SLC24A2: variants seen among roughly 807,000 people sequenced by gnomAD.
SLC24A2 encodes sodium/potassium/calcium exchanger 2.
A neutral mutation model predicts 62.0 loss-of-function variants in SLC24A2; 36 were observed. That is an observed-to-expected ratio of 0.58 (90% CI 0.44 to 0.77). The LOEUF (loss-of-function observed/expected upper bound fraction) is 0.77, where lower values mean the gene tolerates loss of function less well. SLC24A2 is among the 30% of genes least tolerant of loss of function. The pLI is 0.00. For missense variants in SLC24A2, 846 were observed against 817.9 expected, an observed-to-expected ratio of 1.03 and a Z score of -0.42; for synonymous variants, 358 against 294.0, an observed-to-expected ratio of 1.22 and a Z score of -2.23.
the SLC24A2 span, among the ~76,000 whole-genome samples, chr9:19,937,584 G>A: frequency 2.0e-5 from 3 of 152,192 alleles, no homozygotes; most frequent in African/African-American, 4.8e-5. Context: ...ATTATCAGCT[G>A]AAAATGAGTT....
the SLC24A2 span, among the ~76,000 whole-genome samples, chr9:19,908,725 GA>G: frequency 1.3e-5 from 2 of 152,156 alleles, no homozygotes; most frequent in African/African-American, 4.8e-5. Context: ...AAAAACACAT[GA>G]AAAAATGCTT....
chr9:20,146,050 C>T, the SLC24A2 span, among the ~76,000 whole-genome samples: 28 of 152,192 alleles, frequency 1.8e-4, no homozygotes, highest in African/African-American at 6.7e-4. Context: ...CTGATGAACA[C>T]ATAGCTCATT....
At chr9:19,833,288 C>T in the SLC24A2 span, among the ~76,000 whole-genome samples, 1 of 152,166 alleles carries the variant, frequency 6.6e-6, no homozygotes, top group Non-Finnish European at 1.5e-5. Context: ...CATTACCTCA[C>T]ACGTGACGTG....
chr9:19,886,435 GCAAA>G, the SLC24A2 span, among the ~76,000 whole-genome samples: 7 of 149,398 alleles, frequency 4.7e-5, no homozygotes, highest in Admixed American at 4.7e-4. Context: ...CATTTATATG[GCAAA>G]CAAACATATG....
intron 7 of SLC24A2, among the ~76,000 whole-genome samples, chr9:19,568,950 C>T (rs1229690239): frequency 6.6e-6 from 1 of 152,190 alleles, no homozygotes; most frequent in Admixed American, 6.5e-5. Flanking sequence ...CCTTCTCCCC[C>T]TTTCTTTCCG....
intron 2 of SLC24A2, among the ~76,000 whole-genome samples, chr9:19,728,138 A>G (rs1821226826): frequency 6.6e-6 from 1 of 152,180 alleles, no homozygotes; most frequent in African/African-American, 2.4e-5. Flanking sequence ...TCCATGGCAC[A>G]ACTGGCCTTT....
chr9:20,210,469 A>G, the SLC24A2 span, among the ~76,000 whole-genome samples: 1 of 151,898 alleles, frequency 6.6e-6, no homozygotes, highest in African/African-American at 2.4e-5. Flanking sequence ...CAGAAGGCAG[A>G]AGGTTTTGTT....
the SLC24A2 span, among the ~76,000 whole-genome samples, chr9:20,041,142 G>A: frequency 1.3e-5 from 2 of 152,214 alleles, no homozygotes; most frequent in African/African-American, 4.8e-5. Context: ...GAGAGAGTGC[G>A]TGTGTGTACG....
At chr9:20,240,123 C>T in the SLC24A2 span, among the ~76,000 whole-genome samples, 1 of 152,036 alleles carries the variant, frequency 6.6e-6, no homozygotes, top group Non-Finnish European at 1.5e-5. Flanking sequence ...GTCTCTGGGG[C>T]CTGGTGGGTA....
chr9:19,682,647 C>T (rs1006183258), intron 2 of SLC24A2, among the ~76,000 whole-genome samples: 2 of 152,110 alleles, frequency 1.3e-5, no homozygotes, highest in Non-Finnish European at 2.9e-5. Flanking sequence ...AGGAGAAACA[C>T]AGCGTTAAGT....
At chr9:19,611,639 G>C (rs183177073) in intron 4 of SLC24A2, among the ~76,000 whole-genome samples, 36 of 152,142 alleles carry the variant, frequency 2.4e-4, no homozygotes, top group African/African-American at 8.4e-4. Context: ...GACAAGTTTG[G>C]GGCATGCCTT....
intron 2 of SLC24A2, among the ~76,000 whole-genome samples, chr9:19,755,742 T>A (rs1053092894): frequency 2.0e-5 from 3 of 152,212 alleles, no homozygotes; most frequent in African/African-American, 7.2e-5. Flanking sequence ...CTTAGTTTGT[T>A]ATCTGTAGAC....
intron 2 of SLC24A2, among the ~76,000 whole-genome samples, chr9:19,713,228 TGAAG>T (rs1820764205): frequency 6.6e-6 from 1 of 152,118 alleles, no homozygotes; most frequent in African/African-American, 2.4e-5. Context: ...ATTGCATGAA[TGAAG>T]GAAGGAAGTA....
chr9:19,837,248 C>G, the SLC24A2 span, among the ~76,000 whole-genome samples: 2 of 150,992 alleles, frequency 1.3e-5, no homozygotes, highest in Non-Finnish European at 3.0e-5. Flanking sequence ...GTCAGGAGAT[C>G]GAGACCATCC....
chr9:20,263,951 A>G, the SLC24A2 span, among the ~76,000 whole-genome samples: 4 of 145,910 alleles, frequency 2.7e-5, no homozygotes, highest in East Asian at 2.0e-4. Flanking sequence ...TCTCTTCCTC[A>G]GAAGTTTGGA....
At chr9:20,010,944 A>G in the SLC24A2 span, among the ~76,000 whole-genome samples, 15 of 152,074 alleles carry the variant, frequency 9.9e-5, no homozygotes, top group East Asian at 1.4e-3. Context: ...AGAACTCATC[A>G]TTTTTTATGG....
the SLC24A2 span, among the ~76,000 whole-genome samples, chr9:19,909,271 G>C: frequency 6.6e-6 from 1 of 151,270 alleles, no homozygotes; most frequent in East Asian, 2.0e-4. Context: ...TCATAGGTGG[G>C]AATTGAACAA....
chr9:19,963,209 A>ACCTTAT, the SLC24A2 span, among the ~76,000 whole-genome samples: 1 of 131,762 alleles, frequency 7.6e-6, no homozygotes, highest in Admixed American at 8.3e-5. Context: ...CCTTATATAC[A>ACCTTAT]AATTAATTCA....
intron 2 of SLC24A2, among the ~76,000 whole-genome samples, chr9:19,651,807 T>C (rs1462356372): frequency 6.6e-6 from 1 of 152,178 alleles, no homozygotes; most frequent in Non-Finnish European, 1.5e-5. Context: ...GTGCCTGCAT[T>C]AGCAGCATCT....
Sources: gnomAD v4.1 joint callset for allele counts (sites outside exome capture counted in the v4.1 genomes callset) on GRCh38, gnomAD v4.1.1 for gene constraint, MANE v1.5 for transcripts, NCBI Gene and HGNC (gene_info 2026-07-23, HGNC 2026-07-21) for gene names.